Variants in OR7E24 observed in about 807,000 individuals in gnomAD.
OR7E24 encodes the protein olfactory receptor 7E24.
For synonymous variants in OR7E24, 130 were observed against 157.5 expected, an observed-to-expected ratio of 0.83 and a Z score of 1.31; for missense variants, 385 against 410.3, an observed-to-expected ratio of 0.94 and a Z score of 0.53.
Position 9,251,724 on chromosome 19 carries a change from C to G in OR7E24, c.681C>G (p.Leu227=), listed in dbSNP as rs1470581343. 6 of 1,613,228 alleles carry G rather than the reference C, an allele frequency of 3.7e-6. No homozygotes were observed. Among genetic ancestry groups the G allele is most frequent in the Non-Finnish European group, 5.1e-6 (6 of 1,179,554 alleles). ...IYFMGAIFGC[L]PISGILFSYY... is the part of the protein sequence containing the mutation. ...TCATGGGTGCCATATTTGGCTGTCT[C>G]CCTATCTCAGGGATCCTTTTCTCTT... Residue 227 remains leucine, a synonymous_variant, in exon 1 of 1, where the codon CTC becomes CTG. Coordinates refer to ENST00000456448, the MANE Select transcript of OR7E24 (RefSeq NM_001079935.2).
the OR7E24 span, among the ~76,000 whole-genome samples, chr19:9,232,888 G>C: frequency 6.6e-6 from 1 of 152,092 alleles, no homozygotes; most frequent in Non-Finnish European, 1.5e-5. Context: ...AATGATGAAA[G>C]AAAACACAAC....
At chr19:9,208,578 C>T in the OR7E24 span, 1 of 151,916 alleles carries the variant, frequency 6.6e-6, no homozygotes, top group Middle Eastern at 3.4e-3. Context: ...GGGTTTTCTT[C>T]TTTTACTTTA....
the OR7E24 span, among the ~76,000 whole-genome samples, chr19:9,236,497 G>A: frequency 5.3e-5 from 8 of 151,978 alleles, 1 homozygote; most frequent in Admixed American, 1.3e-4. Flanking sequence ...GTGACAGAGC[G>A]AGACTCTGTC....
At chr19:9,242,447 G>C (rs1412030190), upstream of OR7E24, among the ~76,000 whole-genome samples, 1 of 152,014 alleles carries the variant, frequency 6.6e-6, no homozygotes, top group Non-Finnish European at 1.5e-5. Context: ...ATGGGGTTTT[G>C]CCATGTTGGC....
At chr19:9,231,645 G>C in the OR7E24 span, among the ~76,000 whole-genome samples, 1 of 152,078 alleles carries the variant, frequency 6.6e-6, no homozygotes, top group Non-Finnish European at 1.5e-5. Context: ...TCTCTGCACT[G>C]GCTGCTGTTT....
rs201669790 is a variant in OR7E24 at position 9,251,512 on chromosome 19, C to G, written c.469C>G (p.Arg157Gly). Residue 157 changes from arginine to glycine, a missense_variant, in exon 1 of 1, where the codon CGC becomes GGC. By Grantham distance (125) the Arg-to-Gly change is moderately radical (BLOSUM62 -2). Transcript: ENST00000456448. ...PLHYRIIMNP[R>G]LCGFLILLSF... ...GCACTACCGAATCATCATGAACCCA[C>G]GCCTCTGTGGCTTCTTAATCTTGTT... 2.5e-6 allele frequency: 4 copies of G among 1,613,994 alleles called. No individual in the cohort carries two copies. Among genetic ancestry groups the G allele is most frequent in the Middle Eastern group, 3.3e-4 (2 of 6,084 alleles).
At chr19:9,248,562 G>T (rs1409482861), upstream of OR7E24, among the ~76,000 whole-genome samples, 1 of 152,022 alleles carries the variant, frequency 6.6e-6, no homozygotes, top group Non-Finnish European at 1.5e-5. Context: ...GGGCTTCCTG[G>T]TAGACCACAG....
the OR7E24 span, chr19:9,235,126 A>G: frequency 5.5e-3 from 4,847 of 878,730 alleles, 122 homozygotes; most frequent in African/African-American, 0.069. Flanking sequence ...CTCCTTCCCC[A>G]GTAGACACAA....
chr19:9,236,732 C>G, the OR7E24 span, among the ~76,000 whole-genome samples: 1 of 152,060 alleles, frequency 6.6e-6, no homozygotes, highest in East Asian at 1.9e-4. Flanking sequence ...AGATTTCTAA[C>G]TTGACATTAT....
chr19:9,219,598 GT>G, the OR7E24 span: 161 of 152,304 alleles, frequency 1.1e-3, 1 homozygote, highest in East Asian at 0.028. Context: ...GCCGTACTGG[GT>G]TTTTTCCAAA....
At chr19:9,218,738 C>T in the OR7E24 span, among the ~76,000 whole-genome samples, 1 of 152,072 alleles carries the variant, frequency 6.6e-6, no homozygotes, top group African/African-American at 2.4e-5. Flanking sequence ...AAGCAATTAT[C>T]CCATCTCAGT....
the OR7E24 span, among the ~76,000 whole-genome samples, chr19:9,240,017 T>C: frequency 3.9e-5 from 6 of 151,972 alleles, no homozygotes; most frequent in African/African-American, 1.4e-4. Flanking sequence ...GAATATTCCC[T>C]CTTGAATAGG....
chr19:9,245,192 G>A (rs989505205), upstream of OR7E24, among the ~76,000 whole-genome samples: 1 of 151,984 alleles, frequency 6.6e-6, no homozygotes, highest in Non-Finnish European at 1.5e-5. Context: ...TCCAGCCTGG[G>A]TGACAGAGCA....
chr19:9,235,405 C>T, the OR7E24 span: 67 of 1,597,998 alleles, frequency 4.2e-5, no homozygotes, highest in Admixed American at 3.3e-4. Context: ...CATCCAGGCA[C>T]GGAGCAAAGA....
the OR7E24 span, among the ~76,000 whole-genome samples, chr19:9,222,043 C>G: frequency 6.6e-6 from 1 of 152,174 alleles, no homozygotes; most frequent in Admixed American, 6.5e-5. Flanking sequence ...CCTGGATATC[C>G]AGTTTTCCCA....
At chr19:9,243,777 C>T (rs2066122282), upstream of OR7E24, among the ~76,000 whole-genome samples, 1 of 152,206 alleles carries the variant, frequency 6.6e-6, no homozygotes, top group Non-Finnish European at 1.5e-5. Context: ...ATGGATTCAC[C>T]TCAGAGGGTT....
the OR7E24 span, among the ~76,000 whole-genome samples, chr19:9,223,976 G>A: frequency 4.0e-5 from 6 of 151,872 alleles, no homozygotes; most frequent in African/African-American, 9.7e-5. Flanking sequence ...TCCGCCTCCC[G>A]ATTAGCTGGG....
the OR7E24 span, among the ~76,000 whole-genome samples, chr19:9,225,449 AGAGG>A: frequency 1.0e-3 from 135 of 131,362 alleles, no homozygotes; most frequent in African/African-American, 3.2e-3. Context: ...GAAAGAAAAG[AGAGG>A]GAGGGAGGGA....
At chr19:9,214,484 C>T in the OR7E24 span, 13 of 1,614,012 alleles carry the variant, frequency 8.1e-6, no homozygotes, top group Admixed American at 1.5e-4. Flanking sequence ...GGTCATAGGC[C>T]ATCACGGCCA....
Sources: gnomAD v4.1 joint callset for allele counts (sites outside exome capture counted in the v4.1 genomes callset) on GRCh38, gnomAD v4.1.1 for gene constraint, MANE v1.5 for transcripts, NCBI Gene and HGNC (gene_info 2026-07-23, HGNC 2026-07-21) for gene names.